The following APC variants were observed in gnomAD, a reference collection of about 807,000 sequenced individuals.
The protein encoded by APC is adenomatous polyposis coli protein.
APC carries 72 observed loss-of-function variants against 247.0 expected under a neutral mutation model. The ratio of observed to expected loss-of-function variants is 0.29; its 90% CI spans 0.24 to 0.35. The LOEUF (loss-of-function observed/expected upper bound fraction) is 0.35, where lower values mean the gene tolerates loss of function less well. APC is among the 10% of genes least tolerant of loss of function. The pLI is 1.00. For missense variants in APC, 3,400 were observed against 3,360.7 expected, an observed-to-expected ratio of 1.01 and a Z score of -0.29; for synonymous variants, 1,254 against 1,162.5, an observed-to-expected ratio of 1.08 and a Z score of -1.60.
Position 112,808,342 on chromosome 5 carries a change from A to G in APC, c.834+6959A>G, listed in dbSNP as rs1180458161. Among the ~76,000 whole-genome samples the G allele has an allele frequency of 2.6e-5, 4 of 152,172 alleles. No individual in the cohort carries two copies. In the East Asian group the frequency reaches 5.8e-4, roughly 22 times the overall value. On this transcript the variant is annotated intron_variant, in intron 8 of 15. Coordinates refer to ENST00000257430, the MANE Select transcript of APC (RefSeq NM_000038.6). ...ATAAGGTCCATGAATAGGAATTAGT[A>G]TATCTCTGATATCTGTTCTAATCTG...
In APC at chr5:112,841,104, G is replaced by C. The variant is rs1580660851; in HGVS notation, c.5510G>C (p.Ser1837Thr). Reference sequence around the variant, plus strand: ...AATAATGAAGATAGAGTCAGAGGAAGTTTTGCTTTTGATTCACCTCATCAT... The same window carrying C: ...AATAATGAAGATAGAGTCAGAGGAACTTTTGCTTTTGATTCACCTCATCAT... ...LPNNEDRVRG[S>T]FAFDSPHHYT... The change falls in exon 16 of 16, where the codon AGT becomes ACT. Residue 1837 changes from serine to threonine, a missense_variant. Coordinates refer to ENST00000257430, the MANE Select transcript of APC (RefSeq NM_000038.6). This position sits in a 1 kb window ranked among gnomAD's most constrained non-coding sequence, Gnocchi z 4.6. The C allele has an allele frequency of 6.2e-7, 1 of 1,613,044 alleles. No homozygotes were observed. The highest frequency in any genetic ancestry group is 8.5e-7 in the Non-Finnish European group (1 of 1,179,058).
chr5:112,822,505 T>G (rs2149794367), intron 11 of APC, among the ~76,000 whole-genome samples: 1 of 152,370 alleles, frequency 6.6e-6, no homozygotes, highest in Non-Finnish European at 1.5e-5. Context: ...AAAAGTATTA[T>G]GCTTTAAGTC....
intron 14 of APC, among the ~76,000 whole-genome samples, chr5:112,832,198 A>G (rs537149129): frequency 1.3e-5 from 2 of 152,300 alleles, no homozygotes; most frequent in East Asian, 3.9e-4. Flanking sequence ...GGCCCTTGAC[A>G]TGTAGCCCCA....
chr5:112,751,134 G>T (rs1055344589), intron 1 of APC, among the ~76,000 whole-genome samples: 3 of 151,978 alleles, frequency 2.0e-5, no homozygotes, highest in African/African-American at 7.2e-5. Context: ...AGAAGAGTTG[G>T]AAAAATAGTA....
chr5:112,823,487 G>T (rs1474173045), intron 11 of APC: 2 of 152,260 alleles, frequency 1.3e-5, no homozygotes, highest in Non-Finnish European at 2.9e-5. Context: ...TGTGTGGATT[G>T]CGGGGAGATA....
rs1766347750 is a variant in APC, at chr5:112,842,577, C to G, written c.6983C>G (p.Ser2328Ter). 1 of 1,613,750 alleles carries G rather than the reference C, an allele frequency of 6.2e-7. No homozygotes were observed. The highest frequency in any genetic ancestry group is 1.7e-5 in the Admixed American group (1 of 59,994). Reference sequence around the variant, plus strand: ...CCTATACAGTCTCCTGGCCGAAACTCAATTTCCCCTGGTAGAAATGGAATA... The same window carrying G: ...CCTATACAGTCTCCTGGCCGAAACTGAATTTCCCCTGGTAGAAATGGAATA... ...SRPIQSPGRN[S>*]ISPGRNGISP... Residue 2328 changes from serine (S) to a stop codon, truncating the protein, a stop_gained, in exon 16 of 16, where the codon TCA becomes TGA. Coordinates refer to ENST00000257430, the MANE Select transcript of APC (RefSeq NM_000038.6). LOFTEE classifies it high-confidence loss of function.
At position 112,751,211 on chromosome 5, in the gene APC, A is replaced by G. The variant is rs183387792; in HGVS notation, c.-18-3662A>G. On this transcript the variant is annotated intron_variant, in intron 1 of 15. Transcript: ENST00000257430. ...TAACATCTTATATATCTGTACTACA[A>G]TTATCAAAACAAAAAAACTAATCTA... 5.3e-4 allele frequency among the ~76,000 whole-genome samples: 80 copies of G among 152,184 alleles called. No individual in the cohort carries two copies. In the Middle Eastern group the frequency reaches 0.01, roughly 19 times the overall value.
chr5:112,724,366 G>T (rs763673934), intron 1 of APC, among the ~76,000 whole-genome samples: 3 of 152,116 alleles, frequency 2.0e-5, no homozygotes, highest in Non-Finnish European at 4.4e-5. Flanking sequence ...CTTAGGATAG[G>T]TATAGACAGC....
intron 1 of APC, among the ~76,000 whole-genome samples, chr5:112,747,717 T>C (rs1044211353): frequency 6.6e-6 from 1 of 152,194 alleles, no homozygotes; most frequent in African/African-American, 2.4e-5. Flanking sequence ...TTCTGGAAGA[T>C]GAAGAAATCG....
At position 112,815,854 on chromosome 5, in the gene APC, G is replaced by T. The variant is rs12656359; in HGVS notation, c.933+261G>T. On this transcript the variant is annotated intron_variant, in intron 9 of 15. Transcript: ENST00000257430. ...AGGAGGCTGAGGCATGAGAATAGTT[G>T]GAACCCAGGAGGCAGAGGTTGCAGT... 0.54 allele frequency among the ~76,000 whole-genome samples: 81,752 copies of T among 152,016 alleles called. 22,560 individuals carry two copies. The highest frequency in any genetic ancestry group is 0.82 in the East Asian group (4,238 of 5,170).
Position 112,842,564 on chromosome 5 carries a change from C to T in APC, c.6970C>T (p.Pro2324Ser), listed in dbSNP as rs770250821. The change falls in exon 16 of 16, where the codon CCT (proline) becomes TCT (serine). Residue 2324 changes from proline to serine, a missense_variant. Coordinates refer to ENST00000257430, the MANE Select transcript of APC (RefSeq NM_000038.6). Reference protein sequence around the residue: ...QQPLSRPIQSPGRNSISPGRN... With the variant: ...QQPLSRPIQSSGRNSISPGRN... ...ACCATTAAGTAGACCTATACAGTCT[C>T]CTGGCCGAAACTCAATTTCCCCTGG... 2.5e-6 allele frequency: 4 copies of T among 1,613,792 alleles called. No homozygotes were observed. Among genetic ancestry groups the T allele is most frequent in the Non-Finnish European group, 3.4e-6 (4 of 1,179,824 alleles).
At chr5:112,770,830 G>T (rs367650257) in intron 4 of APC, among the ~76,000 whole-genome samples, 1 of 151,986 alleles carries the variant, frequency 6.6e-6, no homozygotes, top group Admixed American at 6.6e-5. Flanking sequence ...CCAATTCTTT[G>T]GTCGAATTTG....
intron 11 of APC, among the ~76,000 whole-genome samples, chr5:112,822,457 C>T (rs550738142): frequency 6.6e-6 from 1 of 152,290 alleles, no homozygotes; most frequent in African/African-American, 2.4e-5. Context: ...GGATTTTCAT[C>T]ATAAGCAGCC....
intron 2 of APC, among the ~76,000 whole-genome samples, chr5:112,762,550 G>A (rs1042146760): frequency 6.6e-6 from 1 of 152,164 alleles, no homozygotes; most frequent in Non-Finnish European, 1.5e-5. Flanking sequence ...AGCATGGACA[G>A]ATTTCACAGA....
intron 8 of APC, among the ~76,000 whole-genome samples, chr5:112,810,473 C>G (rs931702692): frequency 4.6e-5 from 7 of 152,104 alleles, no homozygotes; most frequent in Non-Finnish European, 1.0e-4. Context: ...GAAAGGAGAG[C>G]TGACAAGGGA....
At position 112,842,375 on chromosome 5, in the gene APC, C is replaced by T. The variant is rs1370948333; in HGVS notation, c.6781C>T (p.Pro2261Ser). The T allele has an allele frequency of 6.2e-7, 1 of 1,614,044 alleles. No individual in the cohort carries two copies. Among genetic ancestry groups the T allele is most frequent in the Admixed American group, 1.7e-5 (1 of 59,998 alleles). The change falls in exon 16 of 16, where the codon CCT becomes TCT. Residue 2261 changes from proline (P) to serine (S), a missense_variant. By Grantham distance (74) the Pro-to-Ser change is moderately conservative (BLOSUM62 -1). Coordinates refer to ENST00000257430, the MANE Select transcript of APC (RefSeq NM_000038.6). ...CCTTAAGACTCCAGCCTCCAAAAGC[C>T]CTAGTGAAGGTCAAACAGCCACCAC... ...PPLKTPASKS[P>S]SEGQTATTSP...
At position 112,751,228 on chromosome 5, in the gene APC, AC is replaced by A. The variant is rs199649395; in HGVS notation, c.-18-3644del. ...GTACTACAATTATCAAAACAAAAAA[AC>A]TAATCTATTGGTACAATATAGTTAA... On this transcript the variant is annotated intron_variant, in intron 1 of 15. Transcript: ENST00000257430. Among the ~76,000 whole-genome samples the A allele has an allele frequency of 5.3e-3, 804 of 152,202 alleles. 4 individuals are homozygous for A. Among genetic ancestry groups the A allele is most frequent in the African/African-American group, 0.018 (756 of 41,576 alleles).
chr5:112,757,711 A>G (rs556268639), intron 2 of APC, among the ~76,000 whole-genome samples: 124 of 152,304 alleles, frequency 8.1e-4, no homozygotes, highest in African/African-American at 2.8e-3. Flanking sequence ...AAACAAAACA[A>G]AAAACAGCAA....
At chr5:112,737,552 C>T (rs916743523), upstream of APC, among the ~76,000 whole-genome samples, 2 of 152,244 alleles carry the variant, frequency 1.3e-5, no homozygotes, top group African/African-American at 2.4e-5. Context: ...CTCCCACCTC[C>T]GGCATCTTGT....
Sources: allele counts gnomAD v4.1 joint callset (sites outside exome capture counted in the v4.1 genomes callset), GRCh38; gene constraint gnomAD v4.1.1; non-coding constraint Gnocchi (gnomAD v3.1); transcripts MANE v1.5; gene names NCBI Gene and HGNC (gene_info 2026-07-23, HGNC 2026-07-21).